PLCB1: variants seen among roughly 807,000 people sequenced by gnomAD.
The protein encoded by PLCB1 is 1-phosphatidylinositol 4,5-bisphosphate phosphodiesterase beta-1.
A neutral mutation model predicts 161.8 loss-of-function variants in PLCB1; 46 were observed. The ratio of observed to expected loss-of-function variants is 0.28; its 90% CI spans 0.22 to 0.36. The LOEUF (loss-of-function observed/expected upper bound fraction) is 0.36, where lower values mean the gene tolerates loss of function less well. PLCB1 is among the 10% of genes least tolerant of loss of function. The probability of loss-of-function intolerance (pLI) is 1.00; values close to 1 mark genes in which losing one functional copy is unlikely to be tolerated. For missense variants in PLCB1, 1,016 were observed against 1,472.5 expected, an observed-to-expected ratio of 0.69 and a Z score of 5.07; for synonymous variants, 517 against 503.7, an observed-to-expected ratio of 1.03 and a Z score of -0.35.
chr20:8,685,635 G>A (rs1990343319), intron 10 of PLCB1, among the ~76,000 whole-genome samples: 1 of 151,470 alleles, frequency 6.6e-6, no homozygotes, highest in Non-Finnish European at 1.5e-5. Flanking sequence ...TACTTGGGAG[G>A]CTGAGGCAGG....
chr20:8,471,155 C>T (rs1982035472), intron 3 of PLCB1, among the ~76,000 whole-genome samples: 1 of 152,150 alleles, frequency 6.6e-6, no homozygotes, highest in Non-Finnish European at 1.5e-5. Context: ...CCAAATTGTT[C>T]CATGGAATGT....
At chr20:8,741,415 A>T in intron 22 of PLCB1, 49 bp from the exon 23 acceptor site, 1 of 1,272,384 alleles carries the variant, frequency 7.9e-7, no homozygotes, top group South Asian at 1.2e-5. Context: ...AATGATGGAT[A>T]ATCAATACTT....
chr20:8,374,424 A>G (rs1374213382), intron 3 of PLCB1, among the ~76,000 whole-genome samples: 2 of 152,158 alleles, frequency 1.3e-5, no homozygotes, highest in African/African-American at 2.4e-5. Flanking sequence ...TCTTTATAGC[A>G]GTGTGAGAAC....
intron 3 of PLCB1, among the ~76,000 whole-genome samples, chr20:8,559,135 TGTTA>T (rs1986059815): frequency 6.6e-6 from 1 of 151,942 alleles, no homozygotes; most frequent in Non-Finnish European, 1.5e-5. Flanking sequence ...TAAAAATCTA[TGTTA>T]GTTTAGTTTA....
intron 22 of PLCB1, 62 bp from the exon 23 acceptor site, chr20:8,741,402 A>T: frequency 8.9e-7 from 1 of 1,125,888 alleles, no homozygotes; most frequent in East Asian, 2.4e-5. Context: ...GAGTAAGTAG[A>T]TGAATGATGG....
intron 31 of PLCB1, among the ~76,000 whole-genome samples, chr20:8,833,498 G>A (rs568512757): frequency 3.9e-5 from 6 of 152,234 alleles, no homozygotes; most frequent in South Asian, 2.1e-4. Context: ...AAACCATATC[G>A]ATGTATGTCC....
Position 8,238,888 on chromosome 20 carries a change from G to A in PLCB1, c.177+88517G>A, listed in dbSNP as rs143389546. ...GGCTGGGGGGAAGACATCAGACCCC[G>A]AGAAGCAGAAGCTAAGGCCTGGGGA... On this transcript the variant is annotated intron_variant, in intron 2 of 31. Transcript: ENST00000338037. Among the ~76,000 whole-genome samples, 507 of 151,916 alleles carry A rather than the reference G, an allele frequency of 3.3e-3. 7 individuals carry two copies. Among genetic ancestry groups the A allele is most frequent in the African/African-American group, 0.012 (485 of 41,466 alleles).
At chr20:8,139,521 C>T (rs2051382251) in intron 1 of PLCB1, among the ~76,000 whole-genome samples, 1 of 151,864 alleles carries the variant, frequency 6.6e-6, no homozygotes, top group South Asian at 2.1e-4. Context: ...CTGAAGTAGT[C>T]ACATGGATAT....
At chr20:8,804,343 A>T (rs901772496) in intron 31 of PLCB1, among the ~76,000 whole-genome samples, 1 of 152,176 alleles carries the variant, frequency 6.6e-6, no homozygotes, top group Non-Finnish European at 1.5e-5. Context: ...CTGGGGAAAA[A>T]TATTTATTTT....
chr20:8,585,827 C>G (rs1986971997), intron 3 of PLCB1, among the ~76,000 whole-genome samples: 2 of 152,222 alleles, frequency 1.3e-5, no homozygotes, highest in African/African-American at 4.8e-5. Context: ...TAGACACTAT[C>G]TCCATGAAAT....
chr20:8,552,826 G>T (rs1188493798), intron 3 of PLCB1, among the ~76,000 whole-genome samples: 1 of 152,072 alleles, frequency 6.6e-6, no homozygotes, highest in Admixed American at 6.6e-5. Flanking sequence ...TTACTGCCTG[G>T]CCCTGTGCTC....
intron 31 of PLCB1, among the ~76,000 whole-genome samples, chr20:8,852,200 T>C (rs376605317): frequency 6.6e-6 from 1 of 152,340 alleles, no homozygotes; most frequent in African/African-American, 2.4e-5. Flanking sequence ...TTCTAAATTG[T>C]ACCTACTGAC....
intron 4 of PLCB1, among the ~76,000 whole-genome samples, chr20:8,644,690 TC>T (rs1343914172): frequency 2.0e-5 from 3 of 148,700 alleles, no homozygotes; most frequent in Admixed American, 2.0e-4. Flanking sequence ...AGCCGCCCCG[TC>T]CGGGAGGGAG....
intron 1 of PLCB1, among the ~76,000 whole-genome samples, chr20:8,142,459 G>A (rs2051414266): frequency 3.9e-5 from 6 of 152,180 alleles, no homozygotes; most frequent in Admixed American, 3.9e-4. Flanking sequence ...TTACAGTGCT[G>A]ATTTCATTTA....
intron 3 of PLCB1, among the ~76,000 whole-genome samples, chr20:8,587,776 G>T (rs950404158): frequency 6.6e-6 from 1 of 152,162 alleles, no homozygotes; most frequent in East Asian, 1.9e-4. Context: ...TAAATCCAAA[G>T]AGACAAGTAG....
At chr20:8,238,579 T>G (rs1422354929) in intron 2 of PLCB1, among the ~76,000 whole-genome samples, 1 of 151,696 alleles carries the variant, frequency 6.6e-6, no homozygotes. Flanking sequence ...GACTCACCTT[T>G]ATATATACAA....
chr20:8,739,436 A>G (rs947343202), intron 21 of PLCB1, 76 bp downstream of exon 21: 18 of 887,702 alleles, frequency 2.0e-5, no homozygotes, highest in Non-Finnish European at 3.2e-5. Context: ...TTACTAGAAA[A>G]TGACTTAAGA....
chr20:8,484,245 G>A (rs995396529), intron 3 of PLCB1, among the ~76,000 whole-genome samples: 9 of 152,036 alleles, frequency 5.9e-5, no homozygotes, highest in East Asian at 1.9e-4. Flanking sequence ...GGCTGGTCTC[G>A]AACTCCCAAC....
intron 3 of PLCB1, among the ~76,000 whole-genome samples, chr20:8,504,466 T>C (rs922776235): frequency 1.3e-5 from 2 of 151,792 alleles, no homozygotes; most frequent in African/African-American, 4.8e-5. Context: ...AAATCAAGAG[T>C]GGAATTCCTT....
Sources: allele counts gnomAD v4.1 joint callset (sites outside exome capture counted in the v4.1 genomes callset), GRCh38; gene constraint gnomAD v4.1.1; transcripts MANE v1.5; gene names NCBI Gene and HGNC (gene_info 2026-07-23, HGNC 2026-07-21).